Variants in LYPLAL1 observed in about 807,000 individuals in gnomAD.
LYPLAL1 encodes the protein lysophospholipase-like protein 1.
A neutral mutation model predicts 19.7 loss-of-function variants in LYPLAL1; 23 were observed. The observed-to-expected ratio is 1.17, with a 90% CI of 0.84 to 1.65. The LOEUF (loss-of-function observed/expected upper bound fraction) is 1.65, where lower values mean the gene tolerates loss of function less well. LYPLAL1 is among the 40% of genes most tolerant of loss of function. The pLI, the probability that LYPLAL1 is intolerant of heterozygous loss-of-function variation, is 0.00. For synonymous variants in LYPLAL1, 119 were observed against 96.3 expected (o/e 1.24, Z -1.38); for missense variants, 355 against 279.4 (o/e 1.27, Z -1.93).
At chr1:219,257,239 A>T in the LYPLAL1 span, among the ~76,000 whole-genome samples, 2 of 151,998 alleles carry the variant, frequency 1.3e-5, no homozygotes, top group South Asian at 4.1e-4. Flanking sequence ...ATAGCTGTAT[A>T]TATGTCTAGA....
the LYPLAL1 span, among the ~76,000 whole-genome samples, chr1:219,267,808 C>T: frequency 6.6e-6 from 1 of 152,182 alleles, no homozygotes; most frequent in African/African-American, 2.4e-5. Context: ...CATGTTCTTT[C>T]TATCATTCAG....
the LYPLAL1 span, among the ~76,000 whole-genome samples, chr1:219,419,031 C>A: frequency 6.6e-6 from 1 of 152,176 alleles, no homozygotes; most frequent in African/African-American, 2.4e-5. Flanking sequence ...GGATGTACTT[C>A]AGTTTATGTA....
the LYPLAL1 span, among the ~76,000 whole-genome samples, chr1:219,320,686 C>A: frequency 1.3e-5 from 2 of 151,954 alleles, no homozygotes; most frequent in Non-Finnish European, 2.9e-5. Flanking sequence ...TGAGAACATG[C>A]GGTGTTTGGT....
chr1:219,343,062 C>T, the LYPLAL1 span, among the ~76,000 whole-genome samples: 2 of 152,210 alleles, frequency 1.3e-5, no homozygotes, highest in African/African-American at 4.8e-5. Flanking sequence ...GGGCTTCAGC[C>T]CAAGTCCGAC....
At chr1:219,283,465 G>A in the LYPLAL1 span, among the ~76,000 whole-genome samples, 2 of 152,160 alleles carry the variant, frequency 1.3e-5, no homozygotes, top group Non-Finnish European at 2.9e-5. Context: ...CCTCTGGGGA[G>A]CAGGACCCAG....
chr1:219,270,560 C>T, the LYPLAL1 span, among the ~76,000 whole-genome samples: 4 of 152,138 alleles, frequency 2.6e-5, no homozygotes, highest in African/African-American at 4.8e-5. Context: ...ACACGGCTGG[C>T]GCCACATTGC....
the LYPLAL1 span, among the ~76,000 whole-genome samples, chr1:219,362,262 T>C: frequency 6.6e-6 from 1 of 152,122 alleles, no homozygotes; most frequent in African/African-American, 2.4e-5. Flanking sequence ...CAATTAGGCT[T>C]CCTATGATTT....
At chr1:219,310,190 G>T in the LYPLAL1 span, among the ~76,000 whole-genome samples, 4 of 152,150 alleles carry the variant, frequency 2.6e-5, no homozygotes, top group East Asian at 7.7e-4. Flanking sequence ...TTGTTGAGAA[G>T]ATCAAAGTGA....
At chr1:219,208,434 G>A (rs1558244510) in intron 3 of LYPLAL1, among the ~76,000 whole-genome samples, 1 of 151,928 alleles carries the variant, frequency 6.6e-6, no homozygotes, top group Non-Finnish European at 1.5e-5. Flanking sequence ...TTTCCTTAAT[G>A]TTGTCTCTTT....
the LYPLAL1 span, among the ~76,000 whole-genome samples, chr1:219,321,229 TA>T: frequency 6.6e-6 from 1 of 152,252 alleles, no homozygotes; most frequent in African/African-American, 2.4e-5. Flanking sequence ...GTTGGCTGCA[TA>T]AATGTCTTCT....
At chr1:219,340,452 A>G in the LYPLAL1 span, among the ~76,000 whole-genome samples, 2 of 152,050 alleles carry the variant, frequency 1.3e-5, no homozygotes, top group Admixed American at 6.6e-5. Context: ...ACAACCAACC[A>G]ATTAAGAGGA....
the LYPLAL1 span, among the ~76,000 whole-genome samples, chr1:219,248,812 T>C: frequency 1.1e-4 from 17 of 152,258 alleles, 1 homozygote; most frequent in South Asian, 3.5e-3. Flanking sequence ...TAAAATATTA[T>C]ATGTTCAGTA....
At chr1:219,362,004 A>G in the LYPLAL1 span, among the ~76,000 whole-genome samples, 2 of 152,118 alleles carry the variant, frequency 1.3e-5, no homozygotes, top group Non-Finnish European at 1.5e-5. Flanking sequence ...CCAGCAACAT[A>G]CTGGGGAATA....
the LYPLAL1 span, among the ~76,000 whole-genome samples, chr1:219,305,898 G>T: frequency 3.9e-5 from 6 of 152,208 alleles, no homozygotes; most frequent in Admixed American, 3.3e-4. Flanking sequence ...CTTCCATTTT[G>T]TTTATGCGGT....
the LYPLAL1 span, chr1:219,270,911 C>A: frequency 6.6e-6 from 1 of 152,164 alleles, no homozygotes; most frequent in Non-Finnish European, 1.5e-5. Flanking sequence ...ATCCTGCCTT[C>A]TACATATGTG....
chr1:219,205,974 G>C (rs17049146), intron 3 of LYPLAL1, among the ~76,000 whole-genome samples: 1 of 152,100 alleles, frequency 6.6e-6, no homozygotes, highest in Non-Finnish European at 1.5e-5. Flanking sequence ...CATAATTTCT[G>C]TATTCCCAAA....
At chr1:219,318,931 G>C in the LYPLAL1 span, among the ~76,000 whole-genome samples, 1 of 152,110 alleles carries the variant, frequency 6.6e-6, no homozygotes, top group Non-Finnish European at 1.5e-5. Context: ...TTTCTTTCCG[G>C]GAGAAGATGG....
At chr1:219,441,119 A>G in the LYPLAL1 span, among the ~76,000 whole-genome samples, 2 of 152,242 alleles carry the variant, frequency 1.3e-5, no homozygotes, top group South Asian at 2.1e-4. Flanking sequence ...TTAAAAAACA[A>G]AAGAGTAAGA....
chr1:219,299,628 G>A, the LYPLAL1 span, among the ~76,000 whole-genome samples: 1 of 152,298 alleles, frequency 6.6e-6, no homozygotes, highest in African/African-American at 2.4e-5. Context: ...GCAGCAACTC[G>A]AGTCCAGGAA....
Sources: gnomAD v4.1 joint callset for allele counts (sites outside exome capture counted in the v4.1 genomes callset) on GRCh38, gnomAD v4.1.1 for gene constraint, MANE v1.5 for transcripts, NCBI Gene and HGNC (gene_info 2026-07-23, HGNC 2026-07-21) for gene names.